Variants in PCCB observed in about 807,000 individuals in gnomAD.
PCCB encodes the protein propionyl-CoA carboxylase beta chain, mitochondrial.
PCCB carries 43 observed loss-of-function variants against 60.7 expected under a neutral mutation model. That is an observed-to-expected ratio of 0.71 (90% confidence interval 0.55 to 0.91). PCCB has a LOEUF of 0.91. Among genes scored for constraint, PCCB ranks in the 40% least tolerant of loss-of-function variants. PCCB has a pLI of 0.00. For missense variants in PCCB, 766 were observed against 702.8 expected (o/e 1.09, Z -1.02); for synonymous variants, 276 against 255.9 (o/e 1.08, Z -0.75).
chr3:136,300,097 T>A lies in PCCB; in HGVS notation c.885-933T>A, dbSNP rs545154787. ...ATATGCATATACGCATATCTACACA[T>A]ATACATACATGCATATCTACACGTG... On this transcript the variant is annotated intron_variant, in intron 8 of 14. Coordinates refer to ENST00000251654, the MANE Select transcript of PCCB (RefSeq NM_000532.5). 2.6e-5 allele frequency among the ~76,000 whole-genome samples: 4 copies of A among 151,968 alleles called. No individual in the cohort carries two copies. The South Asian group carries it at 8.3e-4, about 32-fold the overall frequency.
Position 136,330,137 on chromosome 3 carries a change from G to C in PCCB, c.*111G>C. ...GGAATCCAAATAGTTGGATAACTTAGAATAACTAAGTTTATTAAATTCTAG... is the reference window on the plus strand; with the variant it reads ...GGAATCCAAATAGTTGGATAACTTACAATAACTAAGTTTATTAAATTCTAG... On this transcript the variant is annotated 3_prime_UTR_variant, in exon 15 of 15. Transcript: ENST00000251654. 6.3e-7 allele frequency: 1 copy of C among 1,577,174 alleles called. No homozygotes were observed. The highest frequency in any genetic ancestry group is 8.6e-7 in the Non-Finnish European group (1 of 1,156,632).
chr3:136,264,440 G>GTGTGTGTATATATATATATATA, intron 5 of PCCB, among the ~76,000 whole-genome samples: 4 of 123,858 alleles, frequency 3.2e-5, no homozygotes, highest in African/African-American at 1.2e-4. Context: ...ATGTGTGTGT[G>GTGTGTGTATATATATATATATA]TATATATGTA....
intron 9 of PCCB, among the ~76,000 whole-genome samples, chr3:136,313,871 G>A (rs1055092368): frequency 1.1e-4 from 17 of 152,120 alleles, no homozygotes; most frequent in Non-Finnish European, 2.4e-4. Context: ...ACATTTTGAG[G>A]GTAGTAGCAG....
intron 10 of PCCB, among the ~76,000 whole-genome samples, chr3:136,318,328 T>A (rs533236952): frequency 6.6e-6 from 1 of 152,116 alleles, no homozygotes; most frequent in South Asian, 2.1e-4. Context: ...AGGCAGAAGT[T>A]ACAGTGAGCC....
intron 9 of PCCB, among the ~76,000 whole-genome samples, chr3:136,304,883 G>A (rs1422705831): frequency 8.4e-6 from 1 of 119,148 alleles, no homozygotes; most frequent in Non-Finnish European, 1.9e-5. Context: ...GTAGAGACGG[G>A]GTTTCACCAT....
chr3:136,255,758 G>A (rs754717375), intron 1 of PCCB, 98 bp from the exon 2 acceptor site: 32 of 1,025,006 alleles, frequency 3.1e-5, no homozygotes, highest in Non-Finnish European at 4.2e-5. Flanking sequence ...TGAGATCAAC[G>A]GGCAAATCTG....
chr3:136,295,393 C>G (rs755372736), intron 7 of PCCB, among the ~76,000 whole-genome samples: 13 of 152,178 alleles, frequency 8.5e-5, no homozygotes, highest in Non-Finnish European at 1.6e-4. Context: ...ATTGTTTCTC[C>G]CCATGTCAGG....
intron 5 of PCCB, among the ~76,000 whole-genome samples, chr3:136,267,401 C>G (rs1212865320): frequency 6.6e-6 from 1 of 151,908 alleles, no homozygotes; most frequent in African/African-American, 2.4e-5. Flanking sequence ...TACTACATTG[C>G]CCAGCCTGGT....
chr3:136,269,344 G>A (rs939813806), intron 5 of PCCB, among the ~76,000 whole-genome samples: 3 of 152,304 alleles, frequency 2.0e-5, no homozygotes, highest in South Asian at 2.1e-4. Flanking sequence ...CTTTGCAAAT[G>A]TATAGAGATA....
At chr3:136,256,761 GC>G (rs1366131182) in intron 3 of PCCB, 138 bp downstream of exon 3, 1 of 719,128 alleles carries the variant, frequency 1.4e-6, no homozygotes, top group African/African-American at 1.8e-5. Flanking sequence ...GCTTTTCAGT[GC>G]GTGTTTCCAG....
rs200865436 is a variant in PCCB, at chr3:136,297,992, G to A, written c.804G>A (p.Leu268=). ...HRAFENDVDA[L]CNLRDFFNYL... ...CTTTTGAAAATGATGTTGATGCCTTGTGTAATCTCCGGGATTTCTTCAACT... is the reference window on the plus strand; with the variant it reads ...CTTTTGAAAATGATGTTGATGCCTTATGTAATCTCCGGGATTTCTTCAACT... The change falls in exon 8 of 15, where the codon TTG becomes TTA. Residue 268 remains leucine (L), a synonymous_variant. Transcript: ENST00000251654. 1 of 1,613,994 alleles carries A rather than the reference G, an allele frequency of 6.2e-7. No individual in the cohort carries two copies. Among genetic ancestry groups the A allele is most frequent in the Non-Finnish European group, 8.5e-7 (1 of 1,179,958 alleles).
intron 9 of PCCB, among the ~76,000 whole-genome samples, chr3:136,311,251 A>C (rs948974287): frequency 2.0e-5 from 3 of 152,222 alleles, no homozygotes; most frequent in African/African-American, 7.2e-5. Context: ...CATATACGCA[A>C]GCAGTAACCA....
chr3:136,328,659 T>C lies in PCCB; in HGVS notation c.1399-99T>C, dbSNP rs914454156. 1.1e-5 allele frequency: 10 copies of C among 937,642 alleles called. No individual in the cohort carries two copies. In the South Asian group the frequency reaches 1.2e-4, roughly 11 times the overall value. The allele number at this position is 937,642 out of a possible 1,614,324, so 58.1% of individuals were successfully genotyped here. A position where few individuals can be genotyped will look rare whatever the true frequency, so the allele number is the denominator to read the frequency against. ...TGGCACTTCCCCTCAGTACACTGAT[T>C]TACCAAGAAATTTGCACCCACACAC... On this transcript the variant is annotated intron_variant, in intron 13 of 14. Coordinates refer to ENST00000251654, the MANE Select transcript of PCCB (RefSeq NM_000532.5).
intron 3 of PCCB, among the ~76,000 whole-genome samples, chr3:136,256,983 A>G (rs1359880871): frequency 6.6e-6 from 1 of 152,196 alleles, no homozygotes; most frequent in Non-Finnish European, 1.5e-5. Flanking sequence ...GCAGCCTCGC[A>G]AAGGGGACTT....
intron 5 of PCCB, among the ~76,000 whole-genome samples, chr3:136,268,090 A>ATATATATATATATATATATG (rs1942068997): frequency 3.3e-4 from 20 of 59,890 alleles, no homozygotes; most frequent in Non-Finnish European, 4.3e-4. Flanking sequence ...GTGTGTAGAT[A>ATATATATATATATATATATG]TATATATATA....
intron 9 of PCCB, among the ~76,000 whole-genome samples, chr3:136,315,468 A>G (rs1324092848): frequency 6.6e-6 from 1 of 152,160 alleles, no homozygotes; most frequent in Admixed American, 6.5e-5. Flanking sequence ...CGGAGATTGC[A>G]GTGAGCCGAG....
At chr3:136,253,214 T>C (rs931654175) in intron 1 of PCCB, among the ~76,000 whole-genome samples, 1 of 150,476 alleles carries the variant, frequency 6.6e-6, no homozygotes, top group East Asian at 2.0e-4. Flanking sequence ...CTCAGCCTCC[T>C]GAGTAGCTGG....
At chr3:136,285,662 G>A (rs1933368312) in intron 6 of PCCB, among the ~76,000 whole-genome samples, 1 of 151,762 alleles carries the variant, frequency 6.6e-6, no homozygotes, top group Non-Finnish European at 1.5e-5. Context: ...CCATACTCTG[G>A]CATTTCTTCT....
chr3:136,291,383 T>G (rs1474710395), intron 6 of PCCB, among the ~76,000 whole-genome samples: 1 of 152,244 alleles, frequency 6.6e-6, no homozygotes, highest in Non-Finnish European at 1.5e-5. Context: ...GTTTTTTGTC[T>G]TTTAGTGTGT....
Sources: gnomAD v4.1 joint callset for allele counts (sites outside exome capture counted in the v4.1 genomes callset) on GRCh38, gnomAD v4.1.1 for gene constraint, MANE v1.5 for transcripts, NCBI Gene and HGNC (gene_info 2026-07-23, HGNC 2026-07-21) for gene names.